Variants in STARD13 observed in about 807,000 individuals in gnomAD.
The protein encoded by STARD13 is StAR related lipid transfer domain containing 13, also known as stAR-related lipid transfer protein 13.
A neutral mutation model predicts 106.4 loss-of-function variants in STARD13; 62 were observed. The ratio of observed to expected loss-of-function variants is 0.58; its 90% CI spans 0.48 to 0.72. The LOEUF is 0.72. STARD13 is among the 30% of genes least tolerant of loss of function. The probability of loss-of-function intolerance (pLI) is 0.00; values close to 1 mark genes in which losing one functional copy is unlikely to be tolerated. For synonymous variants in STARD13, 565 were observed against 553.0 expected, an observed-to-expected ratio of 1.02 and a Z score of -0.31; for missense variants, 1,387 against 1,424.0, an observed-to-expected ratio of 0.97 and a Z score of 0.42.
At chr13:33,108,359 G>A (rs933692720) in intron 12 of STARD13, among the ~76,000 whole-genome samples, 7 of 152,158 alleles carry the variant, frequency 4.6e-5, no homozygotes, top group South Asian at 2.1e-4. Context: ...TTGTTAGCCC[G>A]TGGAGGGCTG....
At chr13:33,573,243 A>G in the STARD13 span, among the ~76,000 whole-genome samples, 2 of 152,154 alleles carry the variant, frequency 1.3e-5, no homozygotes, top group South Asian at 4.1e-4. Context: ...TATAAATTAT[A>G]ATTGATATCT....
chr13:33,528,243 C>CATATATATGTATATGTATATATAT, the STARD13 span, among the ~76,000 whole-genome samples: 1 of 93,484 alleles, frequency 1.1e-5, no homozygotes, highest in African/African-American at 6.2e-5. Flanking sequence ...TATATATATA[C>CATATATATGTATATGTATATATAT]ATATATATAT....
chr13:33,391,321 A>G, the STARD13 span, among the ~76,000 whole-genome samples: 2 of 152,168 alleles, frequency 1.3e-5, no homozygotes, highest in Non-Finnish European at 2.9e-5. Context: ...TTTAACATTC[A>G]CTGCATTTAC....
intron 3 of STARD13, among the ~76,000 whole-genome samples, chr13:33,150,415 G>A (rs533673100): frequency 6.6e-6 from 1 of 152,312 alleles, no homozygotes. Context: ...ATTTTCAGAT[G>A]AGAAGATAAA....
At chr13:33,351,621 G>A (rs898953991), upstream of STARD13, among the ~76,000 whole-genome samples, 12 of 152,156 alleles carry the variant, frequency 7.9e-5, no homozygotes, top group Non-Finnish European at 2.9e-5. Flanking sequence ...TGTGATTAAT[G>A]CCTTACACCT....
chr13:33,664,377 G>T, the STARD13 span, among the ~76,000 whole-genome samples: 38 of 152,140 alleles, frequency 2.5e-4, no homozygotes, highest in African/African-American at 8.9e-4. Flanking sequence ...CGGCAGCAGG[G>T]GTTCCGCATC....
exon 2 of STARD13, chr13:33,349,158 C>T: frequency 1.4e-6 from 1 of 702,378 alleles, no homozygotes; most frequent in Non-Finnish European, 2.6e-6. Flanking sequence ...ATCAGACCTT[C>T]TTCTCTAGAA....
At chr13:33,207,655 T>A (rs73459249) in intron 1 of STARD13, among the ~76,000 whole-genome samples, 2 of 152,286 alleles carry the variant, frequency 1.3e-5, no homozygotes, top group African/African-American at 4.8e-5. Flanking sequence ...CTTTCCCACT[T>A]CCTCCATGAG....
At chr13:33,111,144 TTTA>T (rs1323737880) in intron 10 of STARD13, among the ~76,000 whole-genome samples, 4 of 152,258 alleles carry the variant, frequency 2.6e-5, no homozygotes, top group Admixed American at 6.5e-5. Flanking sequence ...TGACTTCCCC[TTTA>T]TTATTTTCAC....
the STARD13 span, among the ~76,000 whole-genome samples, chr13:33,430,232 A>T: frequency 2.0e-5 from 3 of 152,180 alleles, no homozygotes; most frequent in African/African-American, 7.2e-5. Context: ...TGTACATTTT[A>T]AAAATGAAAA....
Position 33,167,028 on chromosome 13 carries a change from A to G in STARD13, c.241+523T>C, listed in dbSNP as rs1473064591. Among the ~76,000 whole-genome samples the G allele has an allele frequency of 2.0e-5, 3 of 151,884 alleles. 1 individual carries two copies. In the South Asian group the frequency reaches 6.2e-4, roughly 32 times the overall value. On this transcript the variant is annotated intron_variant, in intron 2 of 13. Coordinates refer to ENST00000336934, the MANE Select transcript of STARD13 (RefSeq NM_178006.4). ...CAAAAAAAAAACCAAAAAAAAATCA[A>G]TGAAAGGAAGTGTAATGCTAGCAAT...
the STARD13 span, among the ~76,000 whole-genome samples, chr13:33,570,362 G>A: frequency 2.0e-5 from 3 of 147,778 alleles, no homozygotes; most frequent in African/African-American, 5.0e-5. Flanking sequence ...CAAAACTTTG[G>A]ACATACCAGG....
At chr13:33,565,678 C>T in the STARD13 span, among the ~76,000 whole-genome samples, 2 of 147,792 alleles carry the variant, frequency 1.4e-5, no homozygotes, top group Non-Finnish European at 3.0e-5. Context: ...ATACAGATCA[C>T]TCACCTTGCC....
At position 33,105,289 on chromosome 13, in the gene STARD13, C is replaced by G. The variant is rs554079044; in HGVS notation, c.*304G>C. The stretch of plus-strand genomic sequence containing the variant: ...TTTATTTACAGTTAGGTATACGCTT[C>G]TTAGAAGCCTTTAAATAGCAAATTA... On this transcript the variant is annotated 3_prime_UTR_variant, in exon 14 of 14. Coordinates refer to ENST00000336934, the MANE Select transcript of STARD13 (RefSeq NM_178006.4). The G allele has an allele frequency of 1.9e-5, 6 of 315,178 alleles. No homozygotes were observed. The East Asian group carries it at 3.4e-4, about 18-fold the overall frequency. 19.5% of individuals were successfully genotyped at this position (315,178 alleles called of 1,614,324 possible).
the STARD13 span, among the ~76,000 whole-genome samples, chr13:33,378,797 CAAA>C: frequency 1.9e-5 from 2 of 104,668 alleles, no homozygotes; most frequent in Admixed American, 9.8e-5. Flanking sequence ...CTCAAAAAAA[CAAA>C]AAAAAAAAAA....
At chr13:33,276,784 T>G (rs1390361840) in intron 1 of STARD13, 1 of 152,202 alleles carries the variant, frequency 6.6e-6, no homozygotes, top group Non-Finnish European at 1.5e-5. Context: ...CCAATCTCTC[T>G]GCATTGTTTC....
chr13:33,361,877 G>A, the STARD13 span, among the ~76,000 whole-genome samples: 1 of 152,134 alleles, frequency 6.6e-6, no homozygotes, highest in Non-Finnish European at 1.5e-5. Flanking sequence ...TTTGGGTGGG[G>A]ACACAGAGCC....
chr13:33,551,497 A>G, the STARD13 span, among the ~76,000 whole-genome samples: 1 of 146,250 alleles, frequency 6.8e-6, no homozygotes, highest in African/African-American at 2.5e-5. Flanking sequence ...AAAGGCAGAG[A>G]TTGTCAGGCT....
chr13:33,526,099 A>T, the STARD13 span, among the ~76,000 whole-genome samples: 1 of 152,050 alleles, frequency 6.6e-6, no homozygotes, highest in South Asian at 2.1e-4. Flanking sequence ...TATAGTAGCT[A>T]ATATTTTCTG....
Sources: gnomAD v4.1 joint callset for allele counts (sites outside exome capture counted in the v4.1 genomes callset) on GRCh38, gnomAD v4.1.1 for gene constraint, MANE v1.5 for transcripts, NCBI Gene and HGNC (gene_info 2026-07-23, HGNC 2026-07-21) for gene names.